The following DOCK10 variants were observed in gnomAD, a reference collection of about 807,000 sequenced individuals.
DOCK10 encodes the protein dedicator of cytokinesis protein 10.
Under a neutral mutation model 280.1 loss-of-function variants are expected in DOCK10, and 145 were observed. The ratio of observed to expected loss-of-function variants is 0.52; its 90% CI spans 0.45 to 0.59. The LOEUF (loss-of-function observed/expected upper bound fraction) is 0.59, where lower values mean the gene tolerates loss of function less well. DOCK10 is among the 20% of genes least tolerant of loss of function. The pLI, the probability that DOCK10 is intolerant of heterozygous loss-of-function variation, is 0.00. For synonymous variants in DOCK10, 915 were observed against 942.2 expected, an observed-to-expected ratio of 0.97 and a Z score of 0.53; for missense variants, 2,368 against 2,651.7, an observed-to-expected ratio of 0.89 and a Z score of 2.35.
intron 3 of DOCK10, among the ~76,000 whole-genome samples, chr2:224,901,748 T>G (rs952658979): frequency 6.6e-6 from 1 of 152,238 alleles, no homozygotes; most frequent in Non-Finnish European, 1.5e-5. Context: ...TAGAGAAATG[T>G]TGCTACTTCA....
intron 3 of DOCK10, among the ~76,000 whole-genome samples, chr2:224,916,171 A>T (rs1701299408): frequency 6.6e-6 from 1 of 152,096 alleles, no homozygotes; most frequent in Non-Finnish European, 1.5e-5. Flanking sequence ...CAAGGTGGGC[A>T]GATCACTTAA....
At chr2:224,940,106 C>T (rs936794647) in intron 1 of DOCK10, among the ~76,000 whole-genome samples, 1 of 152,168 alleles carries the variant, frequency 6.6e-6, no homozygotes, top group African/African-American at 2.4e-5. Context: ...CAACGCTTTC[C>T]TGCCGAACTC....
chr2:224,814,422 T>G, intron 30 of DOCK10, 58 bp from the exon 31 acceptor site: 1 of 939,072 alleles, frequency 1.1e-6, no homozygotes, highest in Non-Finnish European at 1.6e-6. Flanking sequence ...CAGATACATA[T>G]GTATTCATTA....
At chr2:224,964,994 T>C (rs533173986) in intron 1 of DOCK10, among the ~76,000 whole-genome samples, 15 of 152,362 alleles carry the variant, frequency 9.8e-5, no homozygotes, top group Middle Eastern at 3.4e-3. Context: ...TCTTTGATGG[T>C]TTATGTCAAT....
chr2:224,845,207 C>A lies in DOCK10; in HGVS notation c.2477G>T (p.Gly826Val). ...AAATTACACATTATTCAATACCTTTCCACTTGCAGAATCTTGAAAGCTTAA... is the reference window on the plus strand; with the variant it reads ...AAATTACACATTATTCAATACCTTTACACTTGCAGAATCTTGAAAGCTTAA... ...NYLSFQDSAS[G>V]KHGGSDIKWV... The change falls in exon 21 of 56, where the codon GGA (glycine) becomes GTA (valine). Residue 826 changes from glycine to valine, a missense_variant. Coordinates refer to ENST00000258390, the MANE Select transcript of DOCK10 (RefSeq NM_014689.3). The A allele has an allele frequency of 6.4e-7, 1 of 1,572,636 alleles. No individual in the cohort carries two copies. Among genetic ancestry groups the A allele is most frequent in the South Asian group, 1.2e-5 (1 of 85,776 alleles).
intron 3 of DOCK10, among the ~76,000 whole-genome samples, chr2:224,907,354 C>T (rs1700710991): frequency 6.6e-6 from 1 of 152,112 alleles, no homozygotes; most frequent in African/African-American, 2.4e-5. Context: ...GCATGACCTC[C>T]CTGAACACAG....
intron 17 of DOCK10, 102 bp downstream of exon 17, chr2:224,852,833 G>GTGT: frequency 9.8e-7 from 1 of 1,021,852 alleles, no homozygotes; most frequent in African/African-American, 1.6e-5. Flanking sequence ...CTATGACAGA[G>GTGT]TGTTGCCCCA....
intron 13 of DOCK10, among the ~76,000 whole-genome samples, chr2:224,863,391 T>C (rs1697655418): frequency 6.6e-6 from 1 of 152,250 alleles, no homozygotes; most frequent in African/African-American, 2.4e-5. Flanking sequence ...TCAATTCTTG[T>C]AAGTTATTTC....
intron 3 of DOCK10, among the ~76,000 whole-genome samples, chr2:224,913,135 A>G (rs1389523362): frequency 6.6e-6 from 1 of 152,218 alleles, no homozygotes; most frequent in Non-Finnish European, 1.5e-5. Context: ...AAAAAATTTT[A>G]GCCTCACCCT....
chr2:224,899,869 T>C (rs1700192909), intron 3 of DOCK10, among the ~76,000 whole-genome samples: 1 of 152,130 alleles, frequency 6.6e-6, no homozygotes, highest in African/African-American at 2.4e-5. Flanking sequence ...AAAATGAAAA[T>C]AGAGGGTACA....
At chr2:224,885,076 T>C (rs1196310193) in intron 7 of DOCK10, among the ~76,000 whole-genome samples, 3 of 152,234 alleles carry the variant, frequency 2.0e-5, no homozygotes, top group Non-Finnish European at 4.4e-5. Flanking sequence ...CTCGGCTCAC[T>C]GCAACCTCCG....
chr2:225,035,211 C>T (rs1690187404), intron 1 of DOCK10, among the ~76,000 whole-genome samples: 1 of 152,048 alleles, frequency 6.6e-6, no homozygotes, highest in African/African-American at 2.4e-5. Flanking sequence ...CAAACTGTTA[C>T]AAGTGCATAA....
intron 3 of DOCK10, among the ~76,000 whole-genome samples, chr2:224,909,807 T>TTTTTTTTTTTTTGTTTTTTGTTTTTTG (rs1553611074): frequency 5.0e-4 from 76 of 151,980 alleles, no homozygotes; most frequent in East Asian, 7.7e-4. Flanking sequence ...TGCAGTGTTT[T>TTTTTTTTTTTTTGTTTTTTGTTTTTTG]AATGGATGTG....
chr2:224,796,274 T>A, intron 44 of DOCK10, 42 bp downstream of exon 44: 1 of 1,255,586 alleles, frequency 8.0e-7, no homozygotes, highest in South Asian at 1.3e-5. Context: ...CACTTCAGAT[T>A]TAAAAAAATT....
chr2:224,938,639 T>C (rs1702835249), intron 1 of DOCK10, among the ~76,000 whole-genome samples: 1 of 152,176 alleles, frequency 6.6e-6, no homozygotes, highest in South Asian at 2.1e-4. Flanking sequence ...AAATAGAAGA[T>C]CTAAATGACA....
In DOCK10 at chr2:224,770,778, G is replaced by T. The variant is rs1690385506; in HGVS notation, c.6205-133C>A. 4.7e-6 allele frequency: 3 copies of T among 643,746 alleles called. No homozygotes were observed. In the South Asian group the frequency reaches 5.8e-5, roughly 12 times the overall value. The allele number at this position is 643,746 out of a possible 1,614,324, so 39.9% of individuals were successfully genotyped here. On this transcript the variant is annotated intron_variant, in intron 53 of 55. Transcript: ENST00000258390. This position sits in a 1 kb window ranked among gnomAD's most constrained non-coding sequence, Gnocchi z 4.5. ...ACCCTGCCTTCTAGTCCACTCATTT[G>T]TATACCTGACTTAGCTGCTGTCCTC...
chr2:224,952,723 G>C (rs1213262546), intron 1 of DOCK10, among the ~76,000 whole-genome samples: 3 of 150,318 alleles, frequency 2.0e-5, no homozygotes, highest in Non-Finnish European at 4.5e-5. Flanking sequence ...CTCCCAAGTA[G>C]CTGGGACTAC....
chr2:224,969,917 C>T (rs912733207), intron 1 of DOCK10, among the ~76,000 whole-genome samples: 1 of 152,150 alleles, frequency 6.6e-6, no homozygotes, highest in African/African-American at 2.4e-5. Context: ...TTTCCCTGCT[C>T]GAGGAGCCTC....
intron 3 of DOCK10, among the ~76,000 whole-genome samples, chr2:224,906,204 CCTT>C (rs1700623773): frequency 6.6e-6 from 1 of 152,132 alleles, no homozygotes; most frequent in African/African-American, 2.4e-5. Context: ...AATGCTATCT[CCTT>C]AATAGGTCTT....
Sources: allele counts gnomAD v4.1 joint callset (sites outside exome capture counted in the v4.1 genomes callset), GRCh38; gene constraint gnomAD v4.1.1; non-coding constraint Gnocchi (gnomAD v3.1); transcripts MANE v1.5; gene names NCBI Gene and HGNC (gene_info 2026-07-23, HGNC 2026-07-21).